Variants in FARS2 observed in about 807,000 individuals in gnomAD.
FARS2 encodes the protein phenylalanine--tRNA ligase, mitochondrial.
In FARS2, 40 loss-of-function variants were observed where a neutral mutation model predicts 46.4. The ratio of observed to expected loss-of-function variants is 0.86; its 90% confidence interval spans 0.67 to 1.12. The LOEUF (loss-of-function observed/expected upper bound fraction) is 1.12. Among genes scored for constraint, FARS2 ranks in the 50% most tolerant of loss-of-function variants. FARS2 has a pLI of 0.00. For missense variants in FARS2, 513 were observed against 567.9 expected, an observed-to-expected ratio of 0.90 and a Z score of 0.98; for synonymous variants, 234 against 214.9, an observed-to-expected ratio of 1.09 and a Z score of -0.78.
At chr6:5,654,799 G>A (rs1038857877) in intron 6 of FARS2, among the ~76,000 whole-genome samples, 5 of 151,946 alleles carry the variant, frequency 3.3e-5, no homozygotes, top group East Asian at 3.9e-4. Flanking sequence ...ATTTTCTTCC[G>A]CCTCTGCCAC....
intron 4 of FARS2, among the ~76,000 whole-genome samples, chr6:5,487,972 CTG>C (rs1357112632): frequency 1.3e-5 from 2 of 152,138 alleles, no homozygotes; most frequent in Non-Finnish European, 2.9e-5. Flanking sequence ...AAGCTGGACT[CTG>C]GGGCTTATTC....
intron 6 of FARS2, among the ~76,000 whole-genome samples, chr6:5,622,374 C>T (rs1775818859): frequency 6.6e-6 from 1 of 152,214 alleles, no homozygotes. Flanking sequence ...CTTTTCTAGG[C>T]TATTCCACAT....
chr6:5,618,839 T>G lies in FARS2; in HGVS notation c.1217+5519T>G, dbSNP rs116754775. ...TGTAGGGAAGGGGACCAGGTTGCCA[T>G]GTCCTTTGACATCTTTGGAATATGG... On this transcript the variant is annotated intron_variant, in intron 6 of 6. Coordinates refer to ENST00000274680, the MANE Select transcript of FARS2 (RefSeq NM_006567.5). 2.5e-3 allele frequency among the ~76,000 whole-genome samples: 385 copies of G among 152,324 alleles called. 1 individual carries two copies. Among genetic ancestry groups the G allele is most frequent in the African/African-American group, 8.8e-3 (367 of 41,558 alleles).
chr6:5,717,933 T>TGGAGAGAGAGAGAGAGAGAGAG (rs1554128878), intron 6 of FARS2, among the ~76,000 whole-genome samples: 8 of 128,230 alleles, frequency 6.2e-5, no homozygotes, highest in Non-Finnish European at 1.1e-4. Flanking sequence ...TATATATATA[T>TGGAGAGAGAGAGAGAGAGAGAG]ATACAGAGTC....
chr6:5,491,490 T>G (rs574716), intron 4 of FARS2, among the ~76,000 whole-genome samples: 1 of 152,036 alleles, frequency 6.6e-6, no homozygotes, highest in African/African-American at 2.4e-5. Flanking sequence ...TTAAGAATCA[T>G]GCGCCATTGA....
intron 4 of FARS2, among the ~76,000 whole-genome samples, chr6:5,500,544 C>T (rs1450030068): frequency 2.6e-5 from 4 of 152,198 alleles, no homozygotes; most frequent in Non-Finnish European, 5.9e-5. Flanking sequence ...GAGGCCTGTG[C>T]AGTTACCTTC....
intron 6 of FARS2, among the ~76,000 whole-genome samples, chr6:5,641,378 C>T (rs1776810268): frequency 6.6e-6 from 1 of 152,126 alleles, no homozygotes; most frequent in East Asian, 1.9e-4. Context: ...CTCACTGCAA[C>T]CTCCACCCCC....
chr6:5,493,225 A>G (rs937855466), intron 4 of FARS2, among the ~76,000 whole-genome samples: 22 of 151,506 alleles, frequency 1.5e-4, no homozygotes, highest in South Asian at 4.2e-4. Context: ...AAAAAAAAAA[A>G]AAAGAAAAAG....
intron 6 of FARS2, among the ~76,000 whole-genome samples, chr6:5,720,593 T>G (rs1977059): frequency 1.3e-5 from 2 of 152,152 alleles, no homozygotes; most frequent in Admixed American, 1.3e-4. Flanking sequence ...TTTTCTAGAT[T>G]GCCTTTACAT....
chr6:5,388,606 C>G (rs1178946255), intron 2 of FARS2, among the ~76,000 whole-genome samples: 3 of 152,038 alleles, frequency 2.0e-5, no homozygotes, highest in Non-Finnish European at 1.5e-5. Context: ...CATTTGTGCA[C>G]TCTGTTTTTA....
At chr6:5,666,365 C>G (rs1031077123) in intron 6 of FARS2, among the ~76,000 whole-genome samples, 8 of 152,142 alleles carry the variant, frequency 5.3e-5, no homozygotes, top group Non-Finnish European at 8.8e-5. Flanking sequence ...CCTGAATTTG[C>G]GTTGAGTTGA....
chr6:5,324,312 A>G (rs1770198317), intron 1 of FARS2, among the ~76,000 whole-genome samples: 1 of 151,746 alleles, frequency 6.6e-6, no homozygotes, highest in Non-Finnish European at 1.5e-5. Context: ...TTGGGAATTT[A>G]CTTCTGGGAT....
At chr6:5,524,416 C>T (rs1461405491) in intron 4 of FARS2, among the ~76,000 whole-genome samples, 2 of 152,220 alleles carry the variant, frequency 1.3e-5, no homozygotes, top group African/African-American at 4.8e-5. Flanking sequence ...ATAAAAGCTA[C>T]TGTGTGAACA....
intron 4 of FARS2, among the ~76,000 whole-genome samples, chr6:5,508,774 C>T (rs920549690): frequency 1.3e-5 from 2 of 152,252 alleles, no homozygotes; most frequent in East Asian, 3.9e-4. Flanking sequence ...GGCAGCCGTA[C>T]GCAGGGCGGA....
At chr6:5,317,719 T>C (rs1769638288) in intron 1 of FARS2, among the ~76,000 whole-genome samples, 2 of 151,360 alleles carry the variant, frequency 1.3e-5, no homozygotes, top group Non-Finnish European at 2.9e-5. Context: ...GGTTGAGGCA[T>C]CGGTGAGCCA....
chr6:5,578,874 G>T (rs1473533621), intron 5 of FARS2, among the ~76,000 whole-genome samples: 1 of 150,598 alleles, frequency 6.6e-6, no homozygotes, highest in African/African-American at 2.5e-5. Flanking sequence ...GAGCTCTAGA[G>T]CCAGACTGCC....
intron 1 of FARS2, among the ~76,000 whole-genome samples, chr6:5,365,472 G>A (rs1272414309): frequency 6.7e-6 from 1 of 149,590 alleles, no homozygotes; most frequent in Non-Finnish European, 1.5e-5. Context: ...TGGGACTGCA[G>A]GTGTGTGCCA....
rs192925939 is a variant in FARS2, at chr6:5,527,422, C to T, written c.905-17758C>T. Among the ~76,000 whole-genome samples the T allele has an allele frequency of 2.8e-3, 422 of 152,300 alleles. 2 individuals are homozygous for T. The highest frequency in any genetic ancestry group is 9.8e-3 in the African/African-American group (407 of 41,554). ...AGTGAACTCACTAAACTCTAGTTAG[C>T]TTTCTACTTGTGGCCTAGTTTTGAT... On this transcript the variant is annotated intron_variant, in intron 4 of 6. Coordinates refer to ENST00000274680, the MANE Select transcript of FARS2 (RefSeq NM_006567.5).
intron 4 of FARS2, among the ~76,000 whole-genome samples, chr6:5,504,515 G>A (rs1204058127): frequency 7.9e-5 from 12 of 151,042 alleles, no homozygotes; most frequent in Non-Finnish European, 1.3e-4. Flanking sequence ...CTTACCCTTA[G>A]GTGTTTTCAA....
Sources: gnomAD v4.1 joint callset for allele counts (sites outside exome capture counted in the v4.1 genomes callset) on GRCh38, gnomAD v4.1.1 for gene constraint, MANE v1.5 for transcripts, NCBI Gene and HGNC (gene_info 2026-07-23, HGNC 2026-07-21) for gene names.